Variants in KNTC1 observed in about 807,000 individuals in gnomAD.
KNTC1 encodes the protein kinetochore associated 1, also known as kinetochore-associated protein 1.
In KNTC1, 253 loss-of-function variants were observed where a neutral mutation model predicts 314.4. The observed-to-expected ratio is 0.80, with a 90% confidence interval of 0.73 to 0.89. KNTC1 has a LOEUF of 0.89. KNTC1 is among the 40% of genes least tolerant of loss of function. KNTC1 has a pLI of 0.00. For missense variants in KNTC1, 2,475 were observed against 2,572.9 expected (o/e 0.96, Z 0.82); for synonymous variants, 901 against 901.4 (o/e 1.00, Z 0.01).
intron 1 of KNTC1, 118 bp from the exon 2 acceptor site, chr12:122,529,873 A>G (rs1961156893): frequency 4.3e-6 from 2 of 465,542 alleles, no homozygotes; most frequent in East Asian, 7.9e-5. Flanking sequence ...CGAAGTGTTT[A>G]GTGGCCACAG....
chr12:122,579,863 A>G (rs1565979856), intron 31 of KNTC1, 42 bp from the exon 32 acceptor site: 1 of 1,392,058 alleles, frequency 7.2e-7, no homozygotes, highest in South Asian at 1.2e-5. Context: ...AGTGGTCAGA[A>G]AAGGAAGTAG....
intron 19 of KNTC1, 47 bp downstream of exon 19, chr12:122,562,021 TATA>T: frequency 6.5e-7 from 1 of 1,538,740 alleles, no homozygotes; most frequent in Non-Finnish European, 8.9e-7. Context: ...AATATACCTT[TATA>T]ATATGTTTTC....
chr12:122,543,658 C>T (rs748186993), intron 7 of KNTC1, 24 bp downstream of exon 7: 1 of 1,443,844 alleles, frequency 6.9e-7, no homozygotes, highest in Non-Finnish European at 9.4e-7. Context: ...TCCATATTGT[C>T]CTCTTAAAAA....
chr12:122,618,714 G>A (rs1338286802), intron 59 of KNTC1, among the ~76,000 whole-genome samples, 169 bp downstream of exon 59: 3 of 152,084 alleles, frequency 2.0e-5, no homozygotes, highest in Non-Finnish European at 4.4e-5. Context: ...TGTCATCCAG[G>A]CTGGAGTGCA....
chr12:122,569,540 A>G, intron 21 of KNTC1, 141 bp from the exon 22 acceptor site: 1 of 657,654 alleles, frequency 1.5e-6, no homozygotes, highest in Non-Finnish European at 2.5e-6. Flanking sequence ...AATCATTTGC[A>G]TAGTGTGAAT....
Position 122,530,261 on chromosome 12 carries a change from C to G in KNTC1, c.129+69C>G, listed in dbSNP as rs936711630. ...TGAGTGCTTAGTAGGGCTAGTGGCC[C>G]ACAGTAAATATTTTGTGAATGAACA... On this transcript the variant is annotated intron_variant, in intron 2 of 63. Coordinates refer to ENST00000333479, the MANE Select transcript of KNTC1 (RefSeq NM_014708.6). The G allele has an allele frequency of 1.4e-4, 185 of 1,363,018 alleles. 1 individual carries two copies. The highest frequency in any genetic ancestry group is 1.9e-4 in the Non-Finnish European group (183 of 982,880). 84.4% of individuals were successfully genotyped at this position (1,363,018 alleles called of 1,614,324 possible).
intron 43 of KNTC1, 52 bp downstream of exon 43, chr12:122,594,437 T>G (rs1214069930): frequency 3.0e-6 from 3 of 1,003,770 alleles, no homozygotes; most frequent in Non-Finnish European, 4.7e-6. Context: ...CTGGTAATTC[T>G]TTTGCAAGAA....
rs921076390 is a variant in KNTC1, at chr12:122,577,765, C to T, written c.2815C>T (p.Gln939Ter). 3.1e-6 allele frequency: 5 copies of T among 1,613,336 alleles called. No homozygotes were observed. Among genetic ancestry groups the T allele is most frequent in the Non-Finnish European group, 4.2e-6 (5 of 1,179,608 alleles). The change falls in exon 31 of 64, where the codon CAA (glutamine) becomes TAA (stop). Residue 939 changes from glutamine (Q) to a stop codon, truncating the protein, a stop_gained. Coordinates refer to ENST00000333479, the MANE Select transcript of KNTC1 (RefSeq NM_014708.6). LOFTEE classifies it high-confidence loss of function. Reference sequence around the variant, plus strand: ...CATCATATGGGCACGACTGGCATTACAAGAAGAGCCAGATCATTCTAAAGA... The same window carrying T: ...CATCATATGGGCACGACTGGCATTATAAGAAGAGCCAGATCATTCTAAAGA... ...RVIIWARLALQEEPDHSKEGK... is the reference protein window; with the variant it reads ...RVIIWARLAL
At chr12:122,590,373 T>C (rs1007584728) in intron 40 of KNTC1, among the ~76,000 whole-genome samples, 11 of 152,202 alleles carry the variant, frequency 7.2e-5, no homozygotes, top group Admixed American at 4.6e-4. Context: ...AGCAAACACA[T>C]TAGAACTATG....
rs774179828 is a variant in KNTC1 at position 122,530,193 on chromosome 12, G to A, written c.129+1G>A. Reference sequence around the variant, plus strand: ...GCTAGTGAAGATCTCTTCTGAAAAGGTAGTGATTATTACACTGACTGTTTC... The same window carrying A: ...GCTAGTGAAGATCTCTTCTGAAAAGATAGTGATTATTACACTGACTGTTTC... On this transcript the variant is annotated splice_donor_variant, in intron 2 of 63. Coordinates refer to ENST00000333479, the MANE Select transcript of KNTC1 (RefSeq NM_014708.6). LOFTEE classifies it high-confidence loss of function. 4 of 1,612,596 alleles carry A rather than the reference G, an allele frequency of 2.5e-6. No homozygotes were observed. Among genetic ancestry groups the A allele is most frequent in the Admixed American group, 1.7e-5 (1 of 59,892 alleles).
chr12:122,586,658 GC>G, intron 37 of KNTC1, 42 bp from the exon 38 acceptor site: 1 of 971,936 alleles, frequency 1.0e-6, no homozygotes. Context: ...TTTTAGTGTG[GC>G]CATCTATTTA....
intron 37 of KNTC1, among the ~76,000 whole-genome samples, chr12:122,586,071 GTTTGTTTTGT>G (rs140077437): frequency 9.8e-6 from 1 of 102,442 alleles, no homozygotes; most frequent in Non-Finnish European, 2.2e-5. Flanking sequence ...TTTTTTGTGT[GTTTGTTTTGT>G]TTTGTTTTGT....
rs1870208173 is a variant in KNTC1 at position 122,591,532 on chromosome 12, T to C, written c.4245+79T>C. 6 of 814,778 alleles carry C rather than the reference T, an allele frequency of 7.4e-6. No individual in the cohort carries two copies. The East Asian group carries it at 1.5e-4, about 20-fold the overall frequency. 50.5% of individuals were successfully genotyped at this position (814,778 alleles called of 1,614,324 possible). On this transcript the variant is annotated intron_variant, in intron 42 of 63. Transcript: ENST00000333479. Reference sequence around the variant, plus strand: ...ATTTAAAACAAAGATTCTGTTGTTCTTTACTTTTGGGAGGAGAGTGTATGT... The same window carrying C: ...ATTTAAAACAAAGATTCTGTTGTTCCTTACTTTTGGGAGGAGAGTGTATGT...
intron 51 of KNTC1, chr12:122,609,156 A>T: frequency 2.0e-6 from 1 of 488,856 alleles, no homozygotes; most frequent in Non-Finnish European, 3.6e-6. Context: ...ATATACTTAG[A>T]ATTGTGTCTA....
intron 16 of KNTC1, 40 bp from the exon 17 acceptor site, chr12:122,557,344 T>A (rs745574871): frequency 7.6e-6 from 12 of 1,588,122 alleles, no homozygotes; most frequent in Non-Finnish European, 1.0e-5. Context: ...CAGGTATTAT[T>A]GTACTTCAAA....
chr12:122,540,088 T>TC (rs1962175165), intron 5 of KNTC1, among the ~76,000 whole-genome samples: 1 of 152,014 alleles, frequency 6.6e-6, no homozygotes, highest in South Asian at 2.1e-4. Flanking sequence ...CCAGCCTGAA[T>TC]GACTTCTGAC....
chr12:122,556,320 T>G (rs1474748715), intron 16 of KNTC1, among the ~76,000 whole-genome samples: 2 of 151,926 alleles, frequency 1.3e-5, no homozygotes, highest in Non-Finnish European at 2.9e-5. Context: ...GCCTGGCTCT[T>G]TTAGCAATTT....
At chr12:122,604,191 T>TTA in intron 48 of KNTC1, among the ~76,000 whole-genome samples, 2 of 147,636 alleles carry the variant, frequency 1.4e-5, no homozygotes, top group Non-Finnish European at 3.0e-5. Context: ...TTTTTTTTTT[T>TTA]TAACAGAGTC....
chr12:122,535,445 A>G (rs1961716045), intron 3 of KNTC1, among the ~76,000 whole-genome samples: 1 of 152,204 alleles, frequency 6.6e-6, no homozygotes, highest in Non-Finnish European at 1.5e-5. Context: ...GTTTGAGACC[A>G]GCCTGGGCAA....
Sources: allele counts gnomAD v4.1 joint callset (sites outside exome capture counted in the v4.1 genomes callset), GRCh38; gene constraint gnomAD v4.1.1; transcripts MANE v1.5; gene names NCBI Gene and HGNC (gene_info 2026-07-23, HGNC 2026-07-21).